The following PCDHA7 variants were observed in gnomAD, a reference collection of about 807,000 sequenced individuals.
The protein encoded by PCDHA7 is protocadherin alpha 7.
In PCDHA7, 37 loss-of-function variants were observed where a neutral mutation model predicts 57.2. The observed-to-expected ratio is 0.65, with a 90% CI of 0.50 to 0.85. The LOEUF is 0.85. Ranked by LOEUF, PCDHA7 falls within the 40% of genes least tolerant of loss-of-function variation. The probability of loss-of-function intolerance (pLI) is 0.00; values close to 1 mark genes in which losing one functional copy is unlikely to be tolerated. For synonymous variants in PCDHA7, 553 were observed against 558.8 expected (o/e 0.99, Z 0.15); for missense variants, 1,188 against 1,241.8 (o/e 0.96, Z 0.65).
At chr5:140,960,934 A>G (rs1429908471) in intron 1 of PCDHA7, among the ~76,000 whole-genome samples, 3 of 152,236 alleles carry the variant, frequency 2.0e-5, no homozygotes, top group Admixed American at 1.3e-4. Context: ...TACTAAGTTT[A>G]GTGAATTAGA....
chr5:140,836,577 T>G lies in PCDHA7; in HGVS notation c.2194T>G (p.Cys732Gly), dbSNP rs1283554877. Residue 732 changes from cysteine to glycine, a missense_variant, in exon 1 of 4, where the codon TGT (cysteine) becomes GGT (glycine). Physicochemically the swap from Cys to Gly is radical, Grantham distance 159. Coordinates refer to ENST00000525929, the MANE Select transcript of PCDHA7 (RefSeq NM_018910.3). ...RCSAPSSEGA[C>G]SLVKPTLVCS... ...CTCAGCGCCGTCCTCTGAGGGCGCA[T>G]GTAGTTTGGTAAAGCCCACTCTGGT... 2 of 1,613,536 alleles carry G rather than the reference T, an allele frequency of 1.2e-6. No individual in the cohort carries two copies. The highest frequency in any genetic ancestry group is 1.7e-6 in the Non-Finnish European group (2 of 1,179,806).
intron 1 of PCDHA7, chr5:140,877,314 G>C (rs2057020187): frequency 6.2e-7 from 1 of 1,613,972 alleles, no homozygotes; most frequent in Non-Finnish European, 8.5e-7. Flanking sequence ...TGCAACCGGC[G>C]GCGGTCGGCG....
chr5:140,994,429 G>A (rs1474074265), intron 3 of PCDHA7, among the ~76,000 whole-genome samples: 1 of 152,110 alleles, frequency 6.6e-6, no homozygotes, highest in Non-Finnish European at 1.5e-5. Flanking sequence ...GAGGCCGGGC[G>A]CAGTGGCTCA....
At chr5:140,840,995 T>C (rs1776967728) in intron 1 of PCDHA7, among the ~76,000 whole-genome samples, 1 of 152,016 alleles carries the variant, frequency 6.6e-6, no homozygotes. Context: ...CTGAAACTAA[T>C]GTAAGGAGCC....
intron 3 of PCDHA7, among the ~76,000 whole-genome samples, chr5:141,005,079 T>TTAGTACTTTACA (rs1375552328): frequency 3.3e-5 from 5 of 152,356 alleles, no homozygotes; most frequent in Non-Finnish European, 7.3e-5. Flanking sequence ...AGGATCAAGC[T>TTAGTACTTTACA]TAGTACTTTA....
chr5:140,929,143 T>C (rs2085863317), intron 1 of PCDHA7: 1 of 1,614,234 alleles, frequency 6.2e-7, no homozygotes, highest in Non-Finnish European at 8.5e-7. Context: ...TGAGAGACTT[T>C]CTCAGACTTA....
chr5:140,928,428 C>T (rs1273911750), intron 1 of PCDHA7: 2 of 1,614,026 alleles, frequency 1.2e-6, no homozygotes, highest in Non-Finnish European at 8.5e-7. Flanking sequence ...CCAAAACTTC[C>T]TTTGACTTTG....
intron 3 of PCDHA7, among the ~76,000 whole-genome samples, chr5:141,007,673 A>C (rs2098339698): frequency 6.6e-6 from 1 of 152,136 alleles, no homozygotes; most frequent in African/African-American, 2.4e-5. Flanking sequence ...ACAAAGACAA[A>C]AGTTATCCTA....
intron 1 of PCDHA7, among the ~76,000 whole-genome samples, chr5:140,941,239 C>CTTTCTTTCT (rs2092936825): frequency 7.4e-6 from 1 of 134,500 alleles, no homozygotes; most frequent in South Asian, 2.4e-4. Context: ...TTCTTTCTTT[C>CTTTCTTTCT]TTTCTTTCTT....
At chr5:140,916,252 G>A (rs2077495466) in intron 1 of PCDHA7, among the ~76,000 whole-genome samples, 1 of 152,176 alleles carries the variant, frequency 6.6e-6, no homozygotes, top group Admixed American at 6.5e-5. Flanking sequence ...TGGACTTGGG[G>A]ACCCCAAGAG....
intron 1 of PCDHA7, chr5:140,868,793 C>T: frequency 3.1e-6 from 1 of 326,092 alleles, no homozygotes; most frequent in Non-Finnish European, 5.5e-6. Context: ...CTGAATATTC[C>T]ATAAATAAGC....
At chr5:140,871,804 T>C (rs538101432) in intron 1 of PCDHA7, among the ~76,000 whole-genome samples, 75 of 152,364 alleles carry the variant, frequency 4.9e-4, no homozygotes, top group Non-Finnish European at 7.9e-4. Flanking sequence ...ATTACTATTT[T>C]CACTAAAGTA....
intron 1 of PCDHA7, chr5:140,968,382 A>G: frequency 6.2e-7 from 1 of 1,614,050 alleles, no homozygotes; most frequent in Non-Finnish European, 8.5e-7. Flanking sequence ...TCCTTTGACT[A>G]TGAGAAGTTT....
At chr5:140,984,581 C>G (rs141574202) in intron 3 of PCDHA7, among the ~76,000 whole-genome samples, 5 of 152,158 alleles carry the variant, frequency 3.3e-5, no homozygotes, top group African/African-American at 1.2e-4. Context: ...GCAACCTAAT[C>G]ATACTTTTCA....
Position 140,876,083 on chromosome 5 carries a change from A to C in PCDHA7, c.2355+39345A>C. 1 of 1,613,974 alleles carries C rather than the reference A, an allele frequency of 6.2e-7. No individual in the cohort carries two copies. The highest frequency in any genetic ancestry group is 8.5e-7 in the Non-Finnish European group (1 of 1,179,900). ...CTTCGGAAGTTATTGGACAGAGAGC[A>C]AACGCCAAAACTCAATTTATTGCTG... On this transcript the variant is annotated intron_variant, in intron 1 of 3. Coordinates refer to ENST00000525929, the MANE Select transcript of PCDHA7 (RefSeq NM_018910.3).
intron 1 of PCDHA7, chr5:140,857,586 G>A: frequency 6.3e-7 from 1 of 1,596,656 alleles, no homozygotes; most frequent in Non-Finnish European, 8.6e-7. Flanking sequence ...CACGCGGAGA[G>A]CGGCAAGGTG....
intron 1 of PCDHA7, chr5:140,966,848 C>T (rs573027963): frequency 1.3e-6 from 2 of 1,571,846 alleles, no homozygotes; most frequent in East Asian, 2.3e-5. Flanking sequence ...GCTACTGCCT[C>T]TCCTGCTGCT....
chr5:140,934,377 G>A (rs1183246116), intron 1 of PCDHA7, among the ~76,000 whole-genome samples: 2 of 152,050 alleles, frequency 1.3e-5, no homozygotes, highest in Non-Finnish European at 2.9e-5. Flanking sequence ...TCCTTCTGTG[G>A]TTCTATGGTG....
At chr5:140,968,946 GCAT>G in intron 1 of PCDHA7, 4 of 1,614,172 alleles carry the variant, frequency 2.5e-6, no homozygotes, top group Non-Finnish European at 3.4e-6. Flanking sequence ...ATCATTTTGA[GCAT>G]CATCAAGTGC....
Sources: allele counts gnomAD v4.1 joint callset (sites outside exome capture counted in the v4.1 genomes callset), GRCh38; gene constraint gnomAD v4.1.1; transcripts MANE v1.5; gene names NCBI Gene and HGNC (gene_info 2026-07-23, HGNC 2026-07-21).